Variants in DPYD observed in about 807,000 individuals in gnomAD.
DPYD encodes the protein dihydropyrimidine dehydrogenase [NADP(+)].
DPYD carries 109 observed loss-of-function variants against 116.2 expected under a neutral mutation model. The observed-to-expected ratio is 0.94, with a 90% confidence interval of 0.80 to 1.10. DPYD has a LOEUF of 1.10. Among genes scored for constraint, DPYD ranks in the 50% least tolerant of loss-of-function variants. The probability of loss-of-function intolerance (pLI) is 0.00; values close to 1 mark genes in which losing one functional copy is unlikely to be tolerated. For synonymous variants in DPYD, 440 were observed against 432.0 expected, an observed-to-expected ratio of 1.02 and a Z score of -0.23; for missense variants, 1,302 against 1,254.5, an observed-to-expected ratio of 1.04 and a Z score of -0.57.
chr1:97,665,804 G>C (rs565869950), intron 8 of DPYD, among the ~76,000 whole-genome samples: 1 of 152,102 alleles, frequency 6.6e-6, no homozygotes, highest in Non-Finnish European at 1.5e-5. Context: ...AAAAAGTTAA[G>C]GACATCTTCT....
chr1:97,788,091 T>C (rs1267464001), intron 3 of DPYD, among the ~76,000 whole-genome samples: 2 of 152,176 alleles, frequency 1.3e-5, no homozygotes, highest in East Asian at 3.9e-4. Flanking sequence ...TGAAGATATA[T>C]AGAGAGCTGC....
intron 14 of DPYD, among the ~76,000 whole-genome samples, chr1:97,389,899 T>G (rs967249336): frequency 9.2e-5 from 14 of 151,562 alleles, no homozygotes; most frequent in African/African-American, 3.4e-4. Flanking sequence ...TGGCTTCCAT[T>G]GTCATCCTTT....
chr1:97,475,644 A>G (rs773567699), intron 13 of DPYD, among the ~76,000 whole-genome samples: 15 of 152,066 alleles, frequency 9.9e-5, no homozygotes, highest in Non-Finnish European at 1.9e-4. Flanking sequence ...TGTCACATCT[A>G]CTCTGCAACT....
chr1:97,609,524 G>C (rs1423759546), intron 8 of DPYD, among the ~76,000 whole-genome samples: 3 of 151,956 alleles, frequency 2.0e-5, no homozygotes, highest in Admixed American at 1.3e-4. Context: ...TTATATACTT[G>C]AGCCCCACAA....
intron 16 of DPYD, among the ~76,000 whole-genome samples, chr1:97,323,593 CATATATGTGTATATAT>C (rs1668522430): frequency 1.7e-5 from 1 of 59,582 alleles, no homozygotes; most frequent in Non-Finnish European, 3.8e-5. Flanking sequence ...ATCATATATA[CATATATGTGTATATAT>C]ACACGTATAT....
chr1:97,876,273 G>A (rs1321321578), intron 2 of DPYD, among the ~76,000 whole-genome samples: 1 of 151,978 alleles, frequency 6.6e-6, no homozygotes, highest in Admixed American at 6.6e-5. Context: ...CGGTTTTGCA[G>A]TTGCTACTGA....
At chr1:97,293,642 A>G (rs1401392498) in intron 18 of DPYD, among the ~76,000 whole-genome samples, 1 of 152,172 alleles carries the variant, frequency 6.6e-6, no homozygotes, top group African/African-American at 2.4e-5. Context: ...TGGCTGGCAA[A>G]GATTAAAAGT....
intron 8 of DPYD, among the ~76,000 whole-genome samples, chr1:97,608,961 T>C (rs1219156711): frequency 6.6e-6 from 1 of 151,912 alleles, no homozygotes; most frequent in Non-Finnish European, 1.5e-5. Flanking sequence ...TCACGAATTA[T>C]ACTAACATCT....
chr1:97,593,220 C>T lies in DPYD; in HGVS notation c.1126G>A (p.Glu376Lys), dbSNP rs1654641808. Residue 376 changes from glutamate (E) to lysine (K), a missense_variant and splice_region_variant, in exon 10 of 23, where the codon GAG (glutamate) becomes AAG (lysine). Transcript: ENST00000370192. ...GFVNIRAVPE[E>K]MELAKEEKCE... The stretch of plus-strand genomic sequence containing the variant: ...ATTTTCTGATGGTTCCATTTTACCT[C>T]CTCAGGGACAGCTCTTATATTAACA... 2 of 1,613,882 alleles carry T rather than the reference C, an allele frequency of 1.2e-6. No homozygotes were observed. Among genetic ancestry groups the T allele is most frequent in the African/African-American group, 2.7e-5 (2 of 74,910 alleles).
At chr1:97,417,987 A>C (rs1674375439) in intron 14 of DPYD, among the ~76,000 whole-genome samples, 1 of 152,152 alleles carries the variant, frequency 6.6e-6, no homozygotes, top group African/African-American at 2.4e-5. Flanking sequence ...TATTTTGATA[A>C]AGACAAGCTA....
chr1:97,289,474 A>C (rs1665978628), intron 18 of DPYD, among the ~76,000 whole-genome samples: 1 of 151,982 alleles, frequency 6.6e-6, no homozygotes, highest in Non-Finnish European at 1.5e-5. Flanking sequence ...CAGCACATCA[A>C]AAAGCTTATC....
At chr1:97,481,972 C>T (rs969378478) in intron 13 of DPYD, among the ~76,000 whole-genome samples, 3 of 152,110 alleles carry the variant, frequency 2.0e-5, no homozygotes, top group Non-Finnish European at 2.9e-5. Context: ...TATAAACCAT[C>T]GTTGCATTGA....
At chr1:97,540,319 C>T (rs539595083) in intron 12 of DPYD, among the ~76,000 whole-genome samples, 15 of 41,144 alleles carry the variant, frequency 3.6e-4, no homozygotes, top group East Asian at 1.7e-3. Context: ...TTACAGAACC[C>T]GGGGTGGGGG....
At chr1:97,399,423 A>C (rs1223190898) in intron 14 of DPYD, among the ~76,000 whole-genome samples, 1 of 151,998 alleles carries the variant, frequency 6.6e-6, no homozygotes, top group African/African-American at 2.4e-5. Flanking sequence ...TTGACTTGGC[A>C]ATGTGGGCTC....
chr1:97,659,710 T>C (rs1253906617), intron 8 of DPYD, among the ~76,000 whole-genome samples: 1 of 152,172 alleles, frequency 6.6e-6, no homozygotes, highest in African/African-American at 2.4e-5. Flanking sequence ...GAAGTTTACC[T>C]GAAATTTTTA....
chr1:97,813,853 A>G (rs1668442797), intron 3 of DPYD, among the ~76,000 whole-genome samples: 1 of 151,780 alleles, frequency 6.6e-6, no homozygotes, highest in Non-Finnish European at 1.5e-5. Context: ...GCTTTCTCTA[A>G]TATGTGCATA....
At chr1:97,343,527 C>G (rs1241737468) in intron 16 of DPYD, among the ~76,000 whole-genome samples, 1 of 152,034 alleles carries the variant, frequency 6.6e-6, no homozygotes, top group Non-Finnish European at 1.5e-5. Context: ...GTCCTTAACA[C>G]AGAGTAAAAA....
intron 21 of DPYD, among the ~76,000 whole-genome samples, chr1:97,089,936 T>C (rs868587069): frequency 3.3e-5 from 5 of 151,420 alleles, no homozygotes; most frequent in Admixed American, 2.0e-4. Flanking sequence ...TGGATAACAC[T>C]GGGCATAACC....
At chr1:97,866,999 C>A (rs1671416248) in intron 2 of DPYD, among the ~76,000 whole-genome samples, 1 of 151,372 alleles carries the variant, frequency 6.6e-6, no homozygotes, top group South Asian at 2.1e-4. Flanking sequence ...CACAGGAAGA[C>A]AATGGAAAAC....
Sources: gnomAD v4.1 joint callset for allele counts (sites outside exome capture counted in the v4.1 genomes callset) on GRCh38, gnomAD v4.1.1 for gene constraint, MANE v1.5 for transcripts, NCBI Gene and HGNC (gene_info 2026-07-23, HGNC 2026-07-21) for gene names.